Variants in PITRM1 observed in about 807,000 individuals in gnomAD.
PITRM1 encodes pitrilysin metallopeptidase 1, also known as presequence protease, mitochondrial.
Under a neutral mutation model 129.9 loss-of-function variants are expected in PITRM1, and 100 were observed. The ratio of observed to expected loss-of-function variants is 0.77; its 90% CI spans 0.65 to 0.91. The LOEUF is 0.91. Ranked by LOEUF, PITRM1 falls within the 40% of genes least tolerant of loss-of-function variation. The probability of loss-of-function intolerance (pLI) is 0.00; values close to 1 mark genes in which losing one functional copy is unlikely to be tolerated. For synonymous variants in PITRM1, 591 were observed against 508.8 expected (o/e 1.16, Z -2.17); for missense variants, 1,471 against 1,318.3 (o/e 1.12, Z -1.79).
Position 3,162,807 on chromosome 10 carries a change from C to A in PITRM1, c.791+918G>T, listed in dbSNP as rs145990282. On this transcript the variant is annotated intron_variant, in intron 7 of 26. Coordinates refer to ENST00000224949, the MANE Select transcript of PITRM1 (RefSeq NM_014889.4). The stretch of plus-strand genomic sequence containing the variant: ...AAACTGGGCCTGCACACTCCTCTGC[C>A]GTCCCCTAGAGGGTGCCCAGGAGAA... Among the ~76,000 whole-genome samples, 247 of 152,338 alleles carry A rather than the reference C, an allele frequency of 1.6e-3. 3 individuals are homozygous for A. Among genetic ancestry groups the A allele is most frequent in the African/African-American group, 5.7e-3 (238 of 41,574 alleles).
chr10:3,166,163 A>G (rs994761927), intron 4 of PITRM1, 66 bp downstream of exon 4: 3 of 1,363,566 alleles, frequency 2.2e-6, no homozygotes, highest in Admixed American at 2.4e-5. Flanking sequence ...CTCAGAAACT[A>G]ACTGAATTCC....
chr10:3,163,214 A>G (rs563187313), intron 7 of PITRM1: 11 of 152,328 alleles, frequency 7.2e-5, no homozygotes, highest in African/African-American at 2.6e-4. Flanking sequence ...ATTCATATGT[A>G]AATACAATTA....
chr10:3,169,846 C>T (rs1843190645), intron 2 of PITRM1, among the ~76,000 whole-genome samples: 1 of 152,224 alleles, frequency 6.6e-6, no homozygotes, highest in Non-Finnish European at 1.5e-5. Context: ...TGTCTGATTA[C>T]AGAGACCCAG....
rs778038279 is a variant in PITRM1, at chr10:3,145,668, C to T, written c.2385G>A (p.Ala795=). Reference sequence around the variant, plus strand: ...CGATGCTTCTAAGGAAGTCTTCGACCGCTTTTTCTGTCTGAGGCATCTGCT... The same window carrying T: ...CGATGCTTCTAAGGAAGTCTTCGACTGCTTTTTCTGTCTGAGGCATCTGCT... ...TPQQMPQTEK[A]VEDFLRSIGR... The change falls in exon 21 of 27, where the codon GCG becomes GCA. Residue 795 remains alanine, a synonymous_variant. Coordinates refer to ENST00000224949, the MANE Select transcript of PITRM1 (RefSeq NM_014889.4). 76 of 1,551,018 alleles carry T rather than the reference C, an allele frequency of 4.9e-5. No individual in the cohort carries two copies. In the Middle Eastern group the frequency reaches 6.4e-4, roughly 13 times the overall value.
intron 15 of PITRM1, among the ~76,000 whole-genome samples, chr10:3,150,286 G>A (rs138782693): frequency 1.4e-4 from 21 of 152,264 alleles, no homozygotes; most frequent in African/African-American, 4.1e-4. Flanking sequence ...ACCAAGGTGC[G>A]GAAGGATGAC....
chr10:3,172,703 T>C lies in PITRM1; in HGVS notation c.56+14A>G. 6.5e-7 allele frequency: 1 copy of C among 1,534,664 alleles called. No individual in the cohort carries two copies. The highest frequency in any genetic ancestry group is 8.8e-7 in the Non-Finnish European group (1 of 1,141,416). On this transcript the variant is annotated intron_variant, in intron 1 of 26. Transcript: ENST00000224949. ...GTACCAGCGCGCCGAGCGCCTCCCG[T>C]CGCAGCGTCTCACCCGCCGCTCAGC...
intron 9 of PITRM1, 57 bp downstream of exon 9, chr10:3,159,791 A>C: frequency 9.7e-7 from 1 of 1,030,778 alleles, no homozygotes; most frequent in Admixed American, 2.0e-5. Context: ...GAACCTTCTA[A>C]TAGGAACATT....
intron 10 of PITRM1, among the ~76,000 whole-genome samples, chr10:3,158,668 G>T (rs58337104): frequency 6.6e-6 from 1 of 152,130 alleles, no homozygotes; most frequent in Non-Finnish European, 1.5e-5. Context: ...TGTCCCCTTG[G>T]GGGGACACAA....
intron 16 of PITRM1, 167 bp downstream of exon 16, chr10:3,149,454 T>C (rs2132409610): frequency 1.7e-6 from 1 of 572,300 alleles, no homozygotes; most frequent in South Asian, 3.4e-5. Flanking sequence ...AGTAAGAAAA[T>C]GTTACTTTCA....
chr10:3,143,316 G>T, intron 23 of PITRM1, 73 bp downstream of exon 23: 2 of 954,254 alleles, frequency 2.1e-6, no homozygotes, highest in Non-Finnish European at 3.4e-6. Flanking sequence ...AACACGCCCT[G>T]TGAACTCGAA....
At chr10:3,158,266 C>T (rs540838403) in intron 10 of PITRM1, 113 bp from the exon 11 acceptor site, 2 of 666,382 alleles carry the variant, frequency 3.0e-6, no homozygotes, top group South Asian at 1.7e-5. Flanking sequence ...AGCCCCTCCA[C>T]TGAAAAGCTC....
chr10:3,167,292 CG>C (rs1554802652), intron 2 of PITRM1, among the ~76,000 whole-genome samples: 14 of 150,058 alleles, frequency 9.3e-5, no homozygotes, highest in Non-Finnish European at 1.5e-4. Flanking sequence ...AGAGAGCGAG[CG>C]AGCGAGCGAG....
intron 7 of PITRM1, chr10:3,163,095 A>T (rs1240101476): frequency 1.3e-5 from 2 of 152,198 alleles, no homozygotes; most frequent in African/African-American, 4.8e-5. Flanking sequence ...CTATTACATG[A>T]TAAGTGTTTA....
chr10:3,154,345 G>A (rs550341454), intron 14 of PITRM1, among the ~76,000 whole-genome samples: 54 of 152,320 alleles, frequency 3.5e-4, no homozygotes, highest in African/African-American at 1.2e-3. Flanking sequence ...TTCCTGGTCC[G>A]TGCATGTTGG....
chr10:3,142,677 G>C (rs1379290017), intron 23 of PITRM1, among the ~76,000 whole-genome samples: 1 of 152,234 alleles, frequency 6.6e-6, no homozygotes, highest in Non-Finnish European at 1.5e-5. Context: ...CGCCACTTTG[G>C]GAACAGGCCT....
chr10:3,147,668 T>C lies in PITRM1; in HGVS notation c.2139A>G (p.Gly713=). 1 of 1,613,714 alleles carries C rather than the reference T, an allele frequency of 6.2e-7. No individual in the cohort carries two copies. ...CGTACAGGTGCCCAGAGTCAGGAATTCCATTGGCGAGCTCCTGGGCGGTCA... is the reference window on the plus strand; with the variant it reads ...CGTACAGGTGCCCAGAGTCAGGAATCCCATTGGCGAGCTCCTGGGCGGTCA... ...VKMTAQELAN[G]IPDSGHLYAS... Residue 713 remains glycine (G), a synonymous_variant, in exon 19 of 27, where the codon GGA becomes GGG. Coordinates refer to ENST00000224949, the MANE Select transcript of PITRM1 (RefSeq NM_014889.4).
chr10:3,156,918 C>A lies in PITRM1; in HGVS notation c.1482+12G>T. 1 of 1,502,276 alleles carries A rather than the reference C, an allele frequency of 6.7e-7. No individual in the cohort carries two copies. The highest frequency in any genetic ancestry group is 1.4e-5 in the African/African-American group (1 of 70,640). The allele number at this position is 1,502,276 out of a possible 1,614,324, so 93.1% of individuals were successfully genotyped here. A position where few individuals can be genotyped will look rare whatever the true frequency, so the allele number is the denominator to read the frequency against. On this transcript the variant is annotated intron_variant, in intron 13 of 26. Transcript: ENST00000224949. ...TTCAAAATTAGAGAAATGAATTATC[C>A]AACTTTCTTACCTTAAAATACTGTT...
intron 7 of PITRM1, among the ~76,000 whole-genome samples, chr10:3,162,287 T>C (rs919879104): frequency 1.3e-5 from 2 of 151,946 alleles, no homozygotes; most frequent in Non-Finnish European, 2.9e-5. Context: ...CACAGAACCA[T>C]ATTTCAAGAT....
intron 3 of PITRM1, among the ~76,000 whole-genome samples, chr10:3,166,644 C>A (rs986813815): frequency 6.6e-6 from 1 of 152,188 alleles, no homozygotes; most frequent in Non-Finnish European, 1.5e-5. Flanking sequence ...TTTTAAACCA[C>A]GTAATGTATA....
Sources: gnomAD v4.1 joint callset for allele counts (sites outside exome capture counted in the v4.1 genomes callset) on GRCh38, gnomAD v4.1.1 for gene constraint, MANE v1.5 for transcripts, NCBI Gene and HGNC (gene_info 2026-07-23, HGNC 2026-07-21) for gene names.